The following TTK variants were observed in gnomAD, a reference collection of about 807,000 sequenced individuals.
TTK encodes the protein dual specificity protein kinase TTK.
A neutral mutation model predicts 117.3 loss-of-function variants in TTK; 59 were observed. The observed-to-expected ratio is 0.50, with a 90% CI of 0.41 to 0.62. The LOEUF is 0.62. Among genes scored for constraint, TTK ranks in the 20% least tolerant of loss-of-function variants. TTK has a pLI of 0.00. For synonymous variants in TTK, 302 were observed against 325.0 expected, an observed-to-expected ratio of 0.93 and a Z score of 0.76; for missense variants, 921 against 989.4, an observed-to-expected ratio of 0.93 and a Z score of 0.93.
intron 10 of TTK, among the ~76,000 whole-genome samples, chr6:80,019,872 A>C (rs957036512): frequency 6.6e-6 from 1 of 152,194 alleles, no homozygotes; most frequent in Non-Finnish European, 1.5e-5. Context: ...CAATAAACTC[A>C]GACAAAAATG....
rs147216592 is a variant in TTK at position 80,028,297 on chromosome 6, TTTTATTTATTTA to T, written c.1521+310_1521+321del. On this transcript the variant is annotated intron_variant, in intron 13 of 21. Transcript: ENST00000369798. ...ATCAAGGTTACCTTTTATTTTTTAT[TTTTATTTATTTA>T]TTTATTTATTTATTTATTTATTTTT... is the stretch of plus-strand genomic sequence containing the variant. Among the ~76,000 whole-genome samples, 685 of 146,686 alleles carry T rather than the reference TTTTATTTATTTA, an allele frequency of 4.7e-3. 5 individuals carry two copies. Among genetic ancestry groups the T allele is most frequent in the African/African-American group, 0.016 (644 of 39,712 alleles).
intron 4 of TTK, among the ~76,000 whole-genome samples, chr6:80,010,445 A>G (rs1051900926): frequency 6.7e-6 from 1 of 148,614 alleles, no homozygotes; most frequent in Admixed American, 6.8e-5. Context: ...CTTTTGTAAC[A>G]TCTAGAATGC....
intron 11 of TTK, among the ~76,000 whole-genome samples, chr6:80,025,614 C>G (rs946444269): frequency 7.2e-5 from 11 of 152,278 alleles, no homozygotes; most frequent in African/African-American, 2.6e-4. Context: ...GGTTAGCAGG[C>G]TTTCCAGGCT....
chr6:80,014,837 G>T (rs1433973719), intron 10 of TTK, among the ~76,000 whole-genome samples: 3 of 152,060 alleles, frequency 2.0e-5, no homozygotes, highest in Non-Finnish European at 4.4e-5. Context: ...TTTTTTCTCA[G>T]TTGGCTTGAC....
Position 80,010,966 on chromosome 6 carries a change from T to C in TTK, c.613+9T>C. ...AAAGAAGAATTTATCAGGTAACTAT[T>C]AAGGTATACTAATACTTTCTGTGGT... On this transcript the variant is annotated intron_variant, in intron 5 of 21. Transcript: ENST00000369798. 6.2e-7 allele frequency: 1 copy of C among 1,609,264 alleles called. No homozygotes were observed. The highest frequency in any genetic ancestry group is 1.3e-5 in the African/African-American group (1 of 74,728).
intron 15 of TTK, 38 bp downstream of exon 15, chr6:80,035,180 G>A: frequency 2.0e-6 from 3 of 1,525,974 alleles, no homozygotes; most frequent in Non-Finnish European, 2.6e-6. Flanking sequence ...AAAACTTTTT[G>A]CCATAATTCT....
chr6:80,038,337 A>G (rs1767961823), intron 18 of TTK, among the ~76,000 whole-genome samples: 1 of 152,106 alleles, frequency 6.6e-6, no homozygotes, highest in South Asian at 2.1e-4. Flanking sequence ...CGTTAGCCTC[A>G]TGGGTGCCCT....
chr6:80,011,066 A>G, intron 5 of TTK, 109 bp downstream of exon 5: 1 of 1,298,346 alleles, frequency 7.7e-7, no homozygotes, highest in Non-Finnish European at 1.0e-6. Flanking sequence ...GTTAAAATCT[A>G]AGATTAAATT....
At chr6:80,025,685 A>G (rs937773301) in intron 11 of TTK, among the ~76,000 whole-genome samples, 1 of 152,246 alleles carries the variant, frequency 6.6e-6, no homozygotes, top group Non-Finnish European at 1.5e-5. Flanking sequence ...AAAGCCATAG[A>G]CAATATGTAA....
chr6:80,032,085 A>G (rs1767773793), intron 14 of TTK, among the ~76,000 whole-genome samples: 1 of 152,190 alleles, frequency 6.6e-6, no homozygotes, highest in Admixed American at 6.5e-5. Flanking sequence ...CTTAAGCATT[A>G]TCTAAATTTA....
At chr6:80,029,897 A>G (rs1323030779) in intron 13 of TTK, among the ~76,000 whole-genome samples, 1 of 152,224 alleles carries the variant, frequency 6.6e-6, no homozygotes, top group Admixed American at 6.5e-5. Context: ...GAGAAAGGAC[A>G]TTGAACTGCT....
At chr6:80,037,910 T>C in intron 17 of TTK, 57 bp from the exon 18 acceptor site, 1 of 1,027,554 alleles carries the variant, frequency 9.7e-7, no homozygotes, top group Non-Finnish European at 1.3e-6. Flanking sequence ...CAAAAAAAAA[T>C]CTAAAGCAGA....
intron 3 of TTK, 58 bp downstream of exon 3, chr6:80,008,089 C>G (rs1019398149): frequency 2.0e-6 from 3 of 1,515,848 alleles, no homozygotes; most frequent in Admixed American, 4.3e-5. Flanking sequence ...AACTACACTG[C>G]AAAGAGAGAA....
At chr6:80,012,577 CCAA>C (rs1429777224) in intron 8 of TTK, among the ~76,000 whole-genome samples, 1 of 151,948 alleles carries the variant, frequency 6.6e-6, no homozygotes, top group Admixed American at 6.6e-5. Context: ...TTAATTCTGA[CCAA>C]CATTTGTAAT....
intron 18 of TTK, among the ~76,000 whole-genome samples, chr6:80,038,306 C>G (rs1248948137): frequency 6.6e-6 from 1 of 152,114 alleles, no homozygotes; most frequent in African/African-American, 2.4e-5. Context: ...CTGACTTTAT[C>G]TCGCTACCTC....
Position 80,040,263 on chromosome 6 carries a change from A to G in TTK, c.2375A>G (p.Gln792Arg), listed in dbSNP as rs779778484. ...GAGCTCCTGGCTCATCCATATGTTCAAATTCAAACTCATCCAGGTACTACT... is the reference window on the plus strand; with the variant it reads ...GAGCTCCTGGCTCATCCATATGTTCGAATTCAAACTCATCCAGGTACTACT... The part of the protein sequence containing the change: ...IPELLAHPYV[Q>R]IQTHPVNQMA... Residue 792 changes from glutamine (Q) to arginine (R), a missense_variant, in exon 20 of 22, where the codon CAA (glutamine) becomes CGA (arginine). Coordinates refer to ENST00000369798, the MANE Select transcript of TTK (RefSeq NM_003318.5). 1 of 1,587,494 alleles carries G rather than the reference A, an allele frequency of 6.3e-7. No individual in the cohort carries two copies. The highest frequency in any genetic ancestry group is 8.6e-7 in the Non-Finnish European group (1 of 1,168,208).
In TTK at chr6:80,035,471, A is replaced by G. The variant is rs1419448396; in HGVS notation, c.1924+54A>G. 8.0e-6 allele frequency: 12 copies of G among 1,505,342 alleles called. No homozygotes were observed. In the Middle Eastern group the frequency reaches 6.0e-4, roughly 76 times the overall value. 93.2% of individuals were successfully genotyped at this position (1,505,342 alleles called of 1,614,324 possible). ...GGTTAAAATCTTTGTTAATAGTGTCATCTTAGAGAAATATACCTATAATTT... is the reference window on the plus strand; with the variant it reads ...GGTTAAAATCTTTGTTAATAGTGTCGTCTTAGAGAAATATACCTATAATTT... On this transcript the variant is annotated intron_variant, in intron 16 of 21. Coordinates refer to ENST00000369798, the MANE Select transcript of TTK (RefSeq NM_003318.5).
intron 21 of TTK, among the ~76,000 whole-genome samples, chr6:80,041,276 A>G (rs1240947629): frequency 6.6e-6 from 1 of 151,852 alleles, no homozygotes; most frequent in Non-Finnish European, 1.5e-5. Flanking sequence ...CAACATTATC[A>G]TAAAATTATG....
rs753198220 is a variant in TTK at position 80,037,961 on chromosome 6, A to T, written c.2050-6A>T. On this transcript the variant is annotated splice_polypyrimidine_tract_variant and splice_region_variant and intron_variant, in intron 17 of 21. Coordinates refer to ENST00000369798, the MANE Select transcript of TTK (RefSeq NM_003318.5). ...TGATTTGTGTTTTCTCTGACTTGGC[A>T]TATAGGTTGGCACAGTTAATTATAT... is the stretch of plus-strand genomic sequence containing the variant. The T allele has an allele frequency of 6.4e-7, 1 of 1,568,464 alleles. No homozygotes were observed. Among genetic ancestry groups the T allele is most frequent in the Non-Finnish European group, 8.6e-7 (1 of 1,157,156 alleles).
Sources: gnomAD v4.1 joint callset for allele counts (sites outside exome capture counted in the v4.1 genomes callset) on GRCh38, gnomAD v4.1.1 for gene constraint, MANE v1.5 for transcripts, NCBI Gene and HGNC (gene_info 2026-07-23, HGNC 2026-07-21) for gene names.